The following F13A1 variants were observed in gnomAD, a reference collection of about 807,000 sequenced individuals.
The protein encoded by F13A1 is coagulation factor XIII A chain, also known as FSF, A subunit.
F13A1 carries 47 observed loss-of-function variants against 80.1 expected under a neutral mutation model. That is an observed-to-expected ratio of 0.59 (90% confidence interval 0.46 to 0.75). The LOEUF is 0.75. Ranked by LOEUF, F13A1 falls within the 30% of genes least tolerant of loss-of-function variation. The pLI is 0.00. For missense variants in F13A1, 817 were observed against 930.4 expected (o/e 0.88, Z 1.59); for synonymous variants, 349 against 344.9 (o/e 1.01, Z -0.13).
intron 3 of F13A1, among the ~76,000 whole-genome samples, chr6:6,270,097 T>C (rs1357004389): frequency 6.6e-6 from 1 of 152,188 alleles, no homozygotes; most frequent in Admixed American, 6.5e-5. Flanking sequence ...ACCCTACTCT[T>C]GTAAGAGCAG....
intron 3 of F13A1, among the ~76,000 whole-genome samples, chr6:6,280,130 G>A (rs1758040585): frequency 1.3e-5 from 2 of 152,072 alleles, no homozygotes; most frequent in Admixed American, 6.5e-5. Flanking sequence ...CCTACAAGTG[G>A]ATATTTACAA....
chr6:6,258,422 G>C (rs765613850), intron 4 of F13A1, among the ~76,000 whole-genome samples: 2 of 152,174 alleles, frequency 1.3e-5, no homozygotes, highest in Non-Finnish European at 2.9e-5. Context: ...AATCTAGGGA[G>C]ATACTGACTA....
chr6:6,255,618 A>G (rs9379022), intron 4 of F13A1, among the ~76,000 whole-genome samples: 42,659 of 151,956 alleles, frequency 0.28, 6,449 homozygotes, highest in East Asian at 0.53. Context: ...AAGAAAATGA[A>G]GGATTTACCT....
At chr6:6,295,793 T>C (rs1468607611) in intron 3 of F13A1, among the ~76,000 whole-genome samples, 1 of 137,524 alleles carries the variant, frequency 7.3e-6, no homozygotes, top group Non-Finnish European at 1.5e-5. Flanking sequence ...CCATTGCTTT[T>C]GGTGTTTTAG....
intron 6 of F13A1, among the ~76,000 whole-genome samples, chr6:6,239,785 G>A (rs1303429216): frequency 6.6e-6 from 1 of 152,118 alleles, no homozygotes; most frequent in Admixed American, 6.5e-5. Flanking sequence ...ACTGCTGCAT[G>A]GTGTAGAGCT....
chr6:6,275,360 AT>A (rs11356157), intron 3 of F13A1, among the ~76,000 whole-genome samples: 109,444 of 151,640 alleles, frequency 0.72, 40,246 homozygotes, highest in African/African-American at 0.87. Context: ...CATTTTTTTT[AT>A]TTTTTTTGTT....
At chr6:6,284,702 T>C (rs73718708) in intron 3 of F13A1, among the ~76,000 whole-genome samples, 4,312 of 152,280 alleles carry the variant, frequency 0.028, 199 homozygotes, top group African/African-American at 0.098. Flanking sequence ...CACTAGAAGC[T>C]TGTTTGCATC....
At chr6:6,178,328 A>G (rs1760920680) in intron 11 of F13A1, among the ~76,000 whole-genome samples, 1 of 152,196 alleles carries the variant, frequency 6.6e-6, no homozygotes, top group South Asian at 2.1e-4. Flanking sequence ...TACACACCAG[A>G]TAATATTTAA....
chr6:6,236,672 T>C (rs1335677578), intron 6 of F13A1, among the ~76,000 whole-genome samples: 1 of 152,146 alleles, frequency 6.6e-6, no homozygotes, highest in African/African-American at 2.4e-5. Context: ...TATAAACCTA[T>C]CATATTCCGT....
chr6:6,299,534 A>G (rs998637145), intron 3 of F13A1, among the ~76,000 whole-genome samples: 33 of 134,220 alleles, frequency 2.5e-4, no homozygotes, highest in Non-Finnish European at 2.9e-4. Flanking sequence ...CTTCCAGTTG[A>G]TCGCATCGGC....
chr6:6,207,966 A>G (rs1459144128), intron 8 of F13A1, among the ~76,000 whole-genome samples: 1 of 152,224 alleles, frequency 6.6e-6, no homozygotes, highest in African/African-American at 2.4e-5. Flanking sequence ...GCCACATTAT[A>G]TTATTTTAAA....
chr6:6,182,625 C>T (rs997691841), intron 10 of F13A1, among the ~76,000 whole-genome samples: 5 of 152,120 alleles, frequency 3.3e-5, no homozygotes, highest in Admixed American at 2.0e-4. Flanking sequence ...CTGCTTTCAG[C>T]TGTTTTCAGG....
intron 3 of F13A1, among the ~76,000 whole-genome samples, chr6:6,304,872 A>G (rs1758489118): frequency 6.6e-6 from 1 of 151,974 alleles, no homozygotes; most frequent in Non-Finnish European, 1.5e-5. Flanking sequence ...AAAAAAAAAA[A>G]AAAAAAAAGG....
chr6:6,180,535 C>G (rs918601779), intron 11 of F13A1, among the ~76,000 whole-genome samples: 1 of 152,178 alleles, frequency 6.6e-6, no homozygotes, highest in African/African-American at 2.4e-5. Flanking sequence ...TTTTGTTTCT[C>G]CAAACCTTTT....
intron 3 of F13A1, among the ~76,000 whole-genome samples, chr6:6,292,974 G>A (rs183636801): frequency 6.6e-5 from 10 of 152,326 alleles, no homozygotes. Flanking sequence ...TGCCAGAAGT[G>A]CCTGGGAAAG....
Position 6,197,242 on chromosome 6 carries a change from G to T in F13A1, c.1197C>A (p.Thr399=). The change falls in exon 9 of 15, where the codon ACC becomes ACA. Residue 399 remains threonine, a synonymous_variant. Coordinates refer to ENST00000264870, the MANE Select transcript of F13A1 (RefSeq NM_000129.4). ...GFGGWQAVDS[T]PQENSDGMYR... ...TTTTACCATCGCTATTTTCCTGGGG[G>T]GTGCTGTCCACAGCTTGCCAGCCTC... 1.9e-6 allele frequency: 3 copies of T among 1,614,132 alleles called. No individual in the cohort carries two copies. Among genetic ancestry groups the T allele is most frequent in the Non-Finnish European group, 2.5e-6 (3 of 1,180,004 alleles).
intron 8 of F13A1, among the ~76,000 whole-genome samples, chr6:6,221,688 C>A (rs1419625325): frequency 6.6e-6 from 1 of 152,076 alleles, no homozygotes; most frequent in Non-Finnish European, 1.5e-5. Flanking sequence ...AGGGCACTGA[C>A]CCAGAGAACG....
At chr6:6,217,001 T>C (rs1213193720) in intron 8 of F13A1, among the ~76,000 whole-genome samples, 14 of 148,440 alleles carry the variant, frequency 9.4e-5, no homozygotes, top group Non-Finnish European at 1.9e-4. Flanking sequence ...CCAGTTAGAA[T>C]GGCAATCATT....
chr6:6,150,380 C>T (rs1760353273), intron 14 of F13A1, among the ~76,000 whole-genome samples: 1 of 152,052 alleles, frequency 6.6e-6, no homozygotes, highest in Admixed American at 6.6e-5. Context: ...CTGTAACTTT[C>T]CTGTTAGCAC....
Sources: allele counts gnomAD v4.1 joint callset (sites outside exome capture counted in the v4.1 genomes callset), GRCh38; gene constraint gnomAD v4.1.1; transcripts MANE v1.5; gene names NCBI Gene and HGNC (gene_info 2026-07-23, HGNC 2026-07-21).